Variants in GRM3 observed in about 807,000 individuals in gnomAD.
The protein encoded by GRM3 is glutamate metabotropic receptor 3.
A neutral mutation model predicts 70.5 loss-of-function variants in GRM3; 26 were observed. That is an observed-to-expected ratio of 0.37 (90% CI 0.27 to 0.51). GRM3 has a LOEUF of 0.51. GRM3 is among the 20% of genes least tolerant of loss of function. The pLI, the probability that GRM3 is intolerant of heterozygous loss-of-function variation, is 0.93. For synonymous variants in GRM3, 443 were observed against 434.9 expected, an observed-to-expected ratio of 1.02 and a Z score of -0.23; for missense variants, 859 against 1,123.8, an observed-to-expected ratio of 0.76 and a Z score of 3.37.
At chr7:86,755,729 T>C (rs1796330649) in intron 1 of GRM3, among the ~76,000 whole-genome samples, 1 of 152,146 alleles carries the variant, frequency 6.6e-6, no homozygotes, top group Admixed American at 6.6e-5. Flanking sequence ...TGTTGAATTA[T>C]GGGGATGGCT....
intron 3 of GRM3, chr7:86,832,918 C>T (rs1487139473): frequency 1.8e-6 from 1 of 554,686 alleles, no homozygotes; most frequent in Admixed American, 6.4e-5. Flanking sequence ...GATTTTGAAG[C>T]ACCCGAGTGA....
chr7:86,748,998 A>C (rs1256644679), intron 1 of GRM3, among the ~76,000 whole-genome samples: 1 of 152,078 alleles, frequency 6.6e-6, no homozygotes, highest in Non-Finnish European at 1.5e-5. Context: ...CCCAGATGCT[A>C]ACACCTTAGT....
intron 1 of GRM3, among the ~76,000 whole-genome samples, chr7:86,684,052 AT>A (rs111537366): frequency 7.1e-4 from 106 of 149,376 alleles, no homozygotes; most frequent in African/African-American, 9.1e-4. Flanking sequence ...TTTGCTGGGG[AT>A]TTTTTTTTTA....
intron 3 of GRM3, among the ~76,000 whole-genome samples, chr7:86,788,797 T>C (rs1440777353): frequency 3.3e-5 from 5 of 152,332 alleles, no homozygotes; most frequent in Admixed American, 3.3e-4. Context: ...AGACTACCCT[T>C]CAGGGTATTA....
chr7:86,776,594 G>A (rs1254757939), intron 2 of GRM3, among the ~76,000 whole-genome samples: 3 of 151,998 alleles, frequency 2.0e-5, no homozygotes, highest in Non-Finnish European at 4.4e-5. Context: ...TTTGTCCTTT[G>A]GTTAACAACT....
At chr7:86,846,403 A>T (rs1798656433) in intron 4 of GRM3, among the ~76,000 whole-genome samples, 1 of 152,170 alleles carries the variant, frequency 6.6e-6, no homozygotes, top group Admixed American at 6.5e-5. Flanking sequence ...AGTTTGAATG[A>T]TTCACCTGGC....
intron 1 of GRM3, among the ~76,000 whole-genome samples, chr7:86,684,893 T>C (rs1466170756): frequency 1.3e-5 from 2 of 152,326 alleles, no homozygotes; most frequent in African/African-American, 4.8e-5. Context: ...TTCTCATCTG[T>C]TACATGTGGA....
At chr7:86,838,025 C>CAGAGCTTCTGCTCTT (rs1181730221) in intron 3 of GRM3, among the ~76,000 whole-genome samples, 2 of 152,148 alleles carry the variant, frequency 1.3e-5, no homozygotes, top group Non-Finnish European at 2.9e-5. Context: ...CATGTATGCT[C>CAGAGCTTCTGCTCTT]AGAGCTTCTG....
Position 86,644,835 on chromosome 7 carries a change from G to A in GRM3, c.-178G>A, listed in dbSNP as rs751231935. The A allele has an allele frequency of 2.1e-5, 27 of 1,289,700 alleles. No individual in the cohort carries two copies. In the African/African-American group the frequency reaches 3.9e-4, roughly 19 times the overall value. The allele number at this position is 1,289,700 out of a possible 1,614,324, so 79.9% of individuals were successfully genotyped here. ...GGCTCACCGCCGCCGCTGCCACCGCGGTCAGCTCCAGTTCCTGCCAGGAGT... is the reference window on the plus strand; with the variant it reads ...GGCTCACCGCCGCCGCTGCCACCGCAGTCAGCTCCAGTTCCTGCCAGGAGT... On this transcript the variant is annotated 5_prime_UTR_variant, in exon 1 of 6. Coordinates refer to ENST00000361669, the MANE Select transcript of GRM3 (RefSeq NM_000840.3).
At chr7:86,723,289 G>T (rs1442711656) in intron 1 of GRM3, among the ~76,000 whole-genome samples, 1 of 152,046 alleles carries the variant, frequency 6.6e-6, no homozygotes, top group Admixed American at 6.6e-5. Flanking sequence ...GAAGGAAAAT[G>T]ACACCTGTGA....
In GRM3 at chr7:86,759,411, A is replaced by T. The variant is rs367770099; in HGVS notation, c.-140-5595A>T. Reference sequence around the variant, plus strand: ...CATTTTGAAAATGACAGATCTTTTTAGCAATCTTTGTTATCTGAATGAAAT... The same window carrying T: ...CATTTTGAAAATGACAGATCTTTTTTGCAATCTTTGTTATCTGAATGAAAT... On this transcript the variant is annotated intron_variant, in intron 1 of 5. Transcript: ENST00000361669. Among the ~76,000 whole-genome samples, 4 of 152,282 alleles carry T rather than the reference A, an allele frequency of 2.6e-5. No individual in the cohort carries two copies. In the East Asian group the frequency reaches 7.7e-4, roughly 29 times the overall value.
intron 1 of GRM3, among the ~76,000 whole-genome samples, chr7:86,666,726 G>A (rs1794037050): frequency 6.6e-6 from 1 of 151,888 alleles, no homozygotes; most frequent in South Asian, 2.1e-4. Flanking sequence ...TTACTAAAAA[G>A]ATAGATTGAG....
chr7:86,754,206 A>G (rs1250657299), intron 1 of GRM3, among the ~76,000 whole-genome samples: 1 of 152,162 alleles, frequency 6.6e-6, no homozygotes, highest in African/African-American at 2.4e-5. Flanking sequence ...CATACATGCT[A>G]TAACTTGAAG....
chr7:86,668,483 T>C lies in GRM3; in HGVS notation c.-141+23611T>C, dbSNP rs1273630662. 2.0e-5 allele frequency among the ~76,000 whole-genome samples: 3 copies of C among 152,090 alleles called. No individual in the cohort carries two copies. In the South Asian group the frequency reaches 6.2e-4, roughly 31 times the overall value. On this transcript the variant is annotated intron_variant, in intron 1 of 5. Coordinates refer to ENST00000361669, the MANE Select transcript of GRM3 (RefSeq NM_000840.3). Reference sequence around the variant, plus strand: ...ATTGGACTGATTTAACACCCTTTGATCGTGTTGTTTGGGCTTTTCTCTCAC... The same window carrying C: ...ATTGGACTGATTTAACACCCTTTGACCGTGTTGTTTGGGCTTTTCTCTCAC...
At chr7:86,850,108 CAAG>C (rs1798728815) in intron 4 of GRM3, among the ~76,000 whole-genome samples, 1 of 152,076 alleles carries the variant, frequency 6.6e-6, no homozygotes, top group Non-Finnish European at 1.5e-5. Flanking sequence ...AGAAAACAAA[CAAG>C]AAAATCCATG....
chr7:86,804,804 T>A (rs1311319599), intron 3 of GRM3, among the ~76,000 whole-genome samples: 2 of 152,206 alleles, frequency 1.3e-5, no homozygotes, highest in Non-Finnish European at 2.9e-5. Flanking sequence ...TAATAGGATA[T>A]CCTTCTGCAT....
chr7:86,826,777 GT>G (rs1406390924), intron 3 of GRM3, among the ~76,000 whole-genome samples: 1 of 152,144 alleles, frequency 6.6e-6, no homozygotes, highest in Non-Finnish European at 1.5e-5. Flanking sequence ...GTATGTATTT[GT>G]TCTGAAGGTG....
At chr7:86,789,601 A>G (rs1432000705) in intron 3 of GRM3, among the ~76,000 whole-genome samples, 1 of 152,216 alleles carries the variant, frequency 6.6e-6, no homozygotes, top group African/African-American at 2.4e-5. Flanking sequence ...TTGTGGCAAT[A>G]AACTAGGCAC....
chr7:86,809,266 T>C (rs1197304669), intron 3 of GRM3, among the ~76,000 whole-genome samples: 2 of 152,024 alleles, frequency 1.3e-5, no homozygotes, highest in African/African-American at 4.8e-5. Flanking sequence ...TATTCAAGAC[T>C]CAACTAAACT....
Sources: gnomAD v4.1 joint callset for allele counts (sites outside exome capture counted in the v4.1 genomes callset) on GRCh38, gnomAD v4.1.1 for gene constraint, MANE v1.5 for transcripts, NCBI Gene and HGNC (gene_info 2026-07-23, HGNC 2026-07-21) for gene names.